The following LBP variants were observed in gnomAD, a reference collection of about 807,000 sequenced individuals.
LBP encodes the protein lipopolysaccharide binding protein, also known as lipopolysaccharide-binding protein.
Under a neutral mutation model 56.6 loss-of-function variants are expected in LBP, and 53 were observed. The observed-to-expected ratio is 0.94, with a 90% confidence interval of 0.75 to 1.18. The LOEUF (loss-of-function observed/expected upper bound fraction) is 1.18. Ranked by LOEUF, LBP falls within the 50% of genes most tolerant of loss-of-function variation. The probability of loss-of-function intolerance (pLI) is 0.00; values close to 1 mark genes in which losing one functional copy is unlikely to be tolerated. For synonymous variants in LBP, 227 were observed against 247.5 expected, an observed-to-expected ratio of 0.92 and a Z score of 0.78; for missense variants, 601 against 598.3, an observed-to-expected ratio of 1.00 and a Z score of -0.05.
intron 5 of LBP, among the ~76,000 whole-genome samples, chr20:38,359,898 G>C (rs940607044): frequency 6.6e-6 from 1 of 152,204 alleles, no homozygotes; most frequent in Non-Finnish European, 1.5e-5. Flanking sequence ...TCTTCCAGGA[G>C]TACCAGCAGG....
At position 38,365,289 on chromosome 20, in the gene LBP, G is replaced by A. The variant is rs185085448; in HGVS notation, c.921+537G>A. Among the ~76,000 whole-genome samples the A allele has an allele frequency of 1.7e-3, 255 of 148,524 alleles. 1 individual carries two copies. Among genetic ancestry groups the A allele is most frequent in the African/African-American group, 5.9e-3 (240 of 40,388 alleles). On this transcript the variant is annotated intron_variant, in intron 8 of 14. Transcript: ENST00000217407. ...CCTTATAACAACTGTGGAAGACTTT[G>A]CAGCTTACTTATCTGTGTTTTGCTT...
chr20:38,366,682 T>C, intron 8 of LBP, 87 bp from the exon 9 acceptor site: 1 of 1,252,320 alleles, frequency 8.0e-7, no homozygotes, highest in Admixed American at 1.7e-5. Context: ...GCGACAGTCT[T>C]GCACATCCCC....
intron 1 of LBP, 130 bp from the exon 2 acceptor site, chr20:38,349,418 C>A: frequency 1.4e-6 from 1 of 695,358 alleles, no homozygotes; most frequent in South Asian, 1.6e-5. Context: ...GGCTCATATC[C>A]TGTCATTGTA....
chr20:38,355,288 C>A lies in LBP; in HGVS notation c.525-58C>A, dbSNP rs946782988. The A allele has an allele frequency of 2.1e-5, 32 of 1,520,004 alleles. No individual in the cohort carries two copies. The African/African-American group carries it at 4.2e-4, about 20-fold the overall frequency. 94.2% of individuals were successfully genotyped at this position (1,520,004 alleles called of 1,614,324 possible). ...GGCCTGACCAGGGACCAGGGCCTGG[C>A]TTTCCCAGGCACCCGGCCATCCCCA... On this transcript the variant is annotated intron_variant, in intron 4 of 14. Coordinates refer to ENST00000217407, the MANE Select transcript of LBP (RefSeq NM_004139.5).
intron 13 of LBP, 109 bp downstream of exon 13, chr20:38,373,244 C>A: frequency 2.3e-6 from 2 of 885,418 alleles, no homozygotes; most frequent in Non-Finnish European, 3.7e-6. Context: ...TGACCGTGGG[C>A]AAGTCACTTC....
intron 4 of LBP, among the ~76,000 whole-genome samples, chr20:38,355,134 A>G (rs1050832646): frequency 1.5e-4 from 23 of 152,206 alleles, no homozygotes; most frequent in African/African-American, 5.3e-4. Flanking sequence ...CGCTTCCCCA[A>G]ATCTGCTGAA....
At chr20:38,370,382 A>T (rs2076896983) in intron 10 of LBP, among the ~76,000 whole-genome samples, 1 of 152,152 alleles carries the variant, frequency 6.6e-6, no homozygotes, top group East Asian at 1.9e-4. Flanking sequence ...CTCTAAAACA[A>T]TAATAATAAT....
Position 38,369,244 on chromosome 20 carries a change from C to T in LBP, c.1149+82C>T, listed in dbSNP as rs986879305. ...TTCCCCACATGCTTTTCTCCCCACT[C>T]ACCACCTGGGTAATTCCTCCAGGTC... On this transcript the variant is annotated intron_variant, in intron 10 of 14. Coordinates refer to ENST00000217407, the MANE Select transcript of LBP (RefSeq NM_004139.5). 1.3e-5 allele frequency: 18 copies of T among 1,356,490 alleles called. No individual in the cohort carries two copies. In the South Asian group the frequency reaches 1.5e-4, roughly 11 times the overall value. The allele number at this position is 1,356,490 out of a possible 1,614,324, so 84.0% of individuals were successfully genotyped here.
chr20:38,355,497 TG>T (rs2076835703), intron 5 of LBP, 88 bp downstream of exon 5: 1 of 1,193,252 alleles, frequency 8.4e-7, no homozygotes. Context: ...GACCAGGCCA[TG>T]GGGGCTGGTT....
In LBP at chr20:38,369,059, T is replaced by G. The variant is rs779323864; in HGVS notation, c.1046T>G (p.Leu349Arg). The change falls in exon 10 of 15, where the codon CTG becomes CGG. Residue 349 changes from leucine to arginine, a missense_variant. Transcript: ENST00000217407. ...LQGSVPSAPL[L>R]NFSPGNLSVD... ...GGATCAGTGCCCTCTGCTCCGCTCC[T>G]GAACTTCAGCCCTGGGAATCTGTCT... 1.2e-5 allele frequency: 20 copies of G among 1,614,054 alleles called. No individual in the cohort carries two copies. Among genetic ancestry groups the G allele is most frequent in the South Asian group, 2.2e-5 (2 of 91,082 alleles).
chr20:38,376,891 C>T lies in LBP; in HGVS notation c.*222C>T, dbSNP rs1378809474. The T allele has an allele frequency of 1.0e-5, 7 of 688,608 alleles. No individual in the cohort carries two copies. Among genetic ancestry groups the T allele is most frequent in the Non-Finnish European group, 1.9e-5 (7 of 375,786 alleles). 42.7% of individuals were successfully genotyped at this position (688,608 alleles called of 1,614,324 possible). A position where few individuals can be genotyped will look rare whatever the true frequency, so the allele number is the denominator to read the frequency against. On this transcript the variant is annotated 3_prime_UTR_variant, in exon 15 of 15. Transcript: ENST00000217407. ...CTTCCCCTCCAGGAGGGACCACCCT[C>T]CCCGACTGGCCTGGGATATCTTTAC...
chr20:38,374,380 C>CTT (rs2076910743), intron 14 of LBP, among the ~76,000 whole-genome samples: 1 of 152,006 alleles, frequency 6.6e-6, no homozygotes, highest in African/African-American at 2.4e-5. Context: ...GGGCAGATCA[C>CTT]GAGGTCAGGA....
At chr20:38,368,805 G>C (rs905988204) in intron 9 of LBP, among the ~76,000 whole-genome samples, 190 bp from the exon 10 acceptor site, 1 of 152,170 alleles carries the variant, frequency 6.6e-6, no homozygotes, top group Non-Finnish European at 1.5e-5. Context: ...CCGTGAAATA[G>C]ATGGTGCAGA....
chr20:38,364,482 C>T (rs2076873493), intron 7 of LBP, 94 bp from the exon 8 acceptor site: 3 of 1,159,286 alleles, frequency 2.6e-6, no homozygotes, highest in Non-Finnish European at 3.9e-6. Flanking sequence ...GTGTTCCAGC[C>T]AGCGTCCCTT....
At chr20:38,367,860 A>G (rs1018600485) in intron 9 of LBP, among the ~76,000 whole-genome samples, 1 of 152,268 alleles carries the variant, frequency 6.6e-6, no homozygotes, top group Middle Eastern at 3.4e-3. Context: ...CTCTGTACCT[A>G]TCTCTAGTAC....
chr20:38,373,790 GA>G (rs2076908787), intron 13 of LBP, 146 bp from the exon 14 acceptor site: 1 of 684,946 alleles, frequency 1.5e-6, no homozygotes, highest in South Asian at 1.8e-5. Context: ...AAAATGGAAA[GA>G]ATAATCACAC....
chr20:38,358,234 C>A (rs1169781084), intron 5 of LBP, among the ~76,000 whole-genome samples: 2 of 152,154 alleles, frequency 1.3e-5, no homozygotes, highest in Non-Finnish European at 2.9e-5. Flanking sequence ...GAGTGAGAAC[C>A]AAAAAGCAGA....
chr20:38,351,681 C>A (rs1175686433), intron 3 of LBP, among the ~76,000 whole-genome samples: 2 of 152,106 alleles, frequency 1.3e-5, no homozygotes, highest in Non-Finnish European at 2.9e-5. Context: ...CAGATGGCTG[C>A]CCTTTGGCAA....
chr20:38,370,017 C>A (rs988690077), intron 10 of LBP, among the ~76,000 whole-genome samples: 10 of 152,046 alleles, frequency 6.6e-5, no homozygotes, highest in Non-Finnish European at 1.5e-4. Flanking sequence ...GAGGCTATAT[C>A]TGCAATTTAA....
Sources: gnomAD v4.1 joint callset for allele counts (sites outside exome capture counted in the v4.1 genomes callset) on GRCh38, gnomAD v4.1.1 for gene constraint, MANE v1.5 for transcripts, NCBI Gene and HGNC (gene_info 2026-07-23, HGNC 2026-07-21) for gene names.